Variants in PDZRN3 observed in about 807,000 individuals in gnomAD.
PDZRN3 encodes the protein E3 ubiquitin-protein ligase PDZRN3.
A neutral mutation model predicts 85.7 loss-of-function variants in PDZRN3; 38 were observed. That is an observed-to-expected ratio of 0.44 (90% CI 0.34 to 0.58). PDZRN3 has a LOEUF of 0.58. Among genes scored for constraint, PDZRN3 ranks in the 20% least tolerant of loss-of-function variants. The pLI, the probability that PDZRN3 is intolerant of heterozygous loss-of-function variation, is 0.01. For synonymous variants in PDZRN3, 759 were observed against 638.0 expected, an observed-to-expected ratio of 1.19 and a Z score of -2.86; for missense variants, 1,629 against 1,506.4, an observed-to-expected ratio of 1.08 and a Z score of -1.35.
intron 3 of PDZRN3, among the ~76,000 whole-genome samples, chr3:73,505,476 A>G (rs1452958480): frequency 6.6e-6 from 1 of 152,184 alleles, no homozygotes. Context: ...GCAAAACATC[A>G]ATTGGTTATT....
At chr3:73,407,930 A>G (rs1701886865) in intron 3 of PDZRN3, 2 of 574,168 alleles carry the variant, frequency 3.5e-6, no homozygotes, top group South Asian at 4.4e-5. Context: ...TACAGAGGGA[A>G]GAGCAGTAGC....
chr3:73,457,622 C>T (rs187928798), intron 3 of PDZRN3, among the ~76,000 whole-genome samples: 163 of 152,252 alleles, frequency 1.1e-3, no homozygotes, highest in Non-Finnish European at 2.1e-3. Context: ...CCAGTACTTG[C>T]CACCACAGAG....
intron 6 of PDZRN3, 60 bp downstream of exon 6, chr3:73,390,958 A>G (rs1246807150): frequency 1.0e-6 from 1 of 975,652 alleles, no homozygotes; most frequent in African/African-American, 4.2e-5. Flanking sequence ...GGTGAACATG[A>G]AAAAAAAAAC....
Position 73,385,690 on chromosome 3 carries a change from G to A in PDZRN3, c.1614C>T (p.Phe538=). 6.2e-7 allele frequency: 1 copy of A among 1,610,792 alleles called. No homozygotes were observed. Among genetic ancestry groups the A allele is most frequent in the Non-Finnish European group, 8.5e-7 (1 of 1,177,128 alleles). Residue 538 remains phenylalanine (F), a synonymous_variant, in exon 9 of 10, where the codon TTC becomes TTT. Coordinates refer to ENST00000263666, the MANE Select transcript of PDZRN3 (RefSeq NM_015009.3). The stretch of plus-strand genomic sequence containing the variant: ...TTACCTGCTGCAGCACGCTAGCTGT[G>A]AATTGCATGGCCTGGTGGTGCTGCT... ...LEEQHHQAMQ[F]TASVLQQKKH... is the part of the protein sequence containing the mutation.
intron 3 of PDZRN3, among the ~76,000 whole-genome samples, chr3:73,570,216 A>G (rs1702025685): frequency 6.6e-6 from 1 of 152,188 alleles, no homozygotes; most frequent in Non-Finnish European, 1.5e-5. Context: ...GGTCTCAAAT[A>G]TTTCTCAAAT....
intron 3 of PDZRN3, among the ~76,000 whole-genome samples, chr3:73,472,077 G>A (rs1465929695): frequency 6.6e-6 from 1 of 151,066 alleles, no homozygotes; most frequent in African/African-American, 2.5e-5. Context: ...GAGAAATCTA[G>A]GTGAAAGTTA....
chr3:73,383,393 T>C lies in PDZRN3; in HGVS notation c.3173A>G (p.Asn1058Ser), dbSNP rs771225235. 11 of 1,613,144 alleles carry C rather than the reference T, an allele frequency of 6.8e-6. No homozygotes were observed. The Admixed American group carries it at 1.3e-4, about 20-fold the overall frequency. ...TKSPDGTRVY[N>S]SFLSVTTV Reference sequence around the variant, plus strand: ...TACAGTAGTCACCGATAGGAAGGAATTGTATACTCTAGTGCCGTCCGGGGA... The same window carrying C: ...TACAGTAGTCACCGATAGGAAGGAACTGTATACTCTAGTGCCGTCCGGGGA... The change falls in exon 10 of 10, where the codon AAT becomes AGT. Residue 1058 changes from asparagine (N) to serine (S), a missense_variant. Asn to Ser is a conservative substitution (Grantham distance 46). Transcript: ENST00000263666.
At chr3:73,496,864 T>A (rs1703877621) in intron 3 of PDZRN3, among the ~76,000 whole-genome samples, 1 of 152,212 alleles carries the variant, frequency 6.6e-6, no homozygotes. Context: ...CTAATTATAT[T>A]CAAGGAAGCT....
intron 3 of PDZRN3, among the ~76,000 whole-genome samples, chr3:73,542,714 C>T (rs1394360762): frequency 9.2e-5 from 14 of 151,970 alleles, no homozygotes; most frequent in Admixed American, 7.9e-4. Context: ...GTGGAGGTTG[C>T]AGTGAGCCAA....
At chr3:73,415,798 T>A (rs944754940) in intron 3 of PDZRN3, among the ~76,000 whole-genome samples, 1 of 152,174 alleles carries the variant, frequency 6.6e-6, no homozygotes. Context: ...AAGATGTAAC[T>A]CCATCGTAAG....
intron 3 of PDZRN3, among the ~76,000 whole-genome samples, chr3:73,483,902 T>C (rs976846420): frequency 6.6e-6 from 1 of 152,210 alleles, no homozygotes; most frequent in Admixed American, 6.5e-5. Flanking sequence ...CCATATTCTT[T>C]ACTGGGAAGC....
chr3:73,439,163 G>A (rs540224006), intron 3 of PDZRN3, among the ~76,000 whole-genome samples: 21 of 152,252 alleles, frequency 1.4e-4, no homozygotes, highest in African/African-American at 4.6e-4. Flanking sequence ...CTCAGTCAGC[G>A]GTATATGCCC....
chr3:73,586,001 G>C (rs1195087658), intron 3 of PDZRN3, among the ~76,000 whole-genome samples: 4 of 152,030 alleles, frequency 2.6e-5, no homozygotes, highest in Non-Finnish European at 5.9e-5. Flanking sequence ...CTAAGAAAAA[G>C]GTTTACTTGA....
chr3:73,577,216 AG>A (rs1489626428), intron 3 of PDZRN3, among the ~76,000 whole-genome samples: 2 of 152,316 alleles, frequency 1.3e-5, no homozygotes, highest in Non-Finnish European at 2.9e-5. Flanking sequence ...ATGAATCTAA[AG>A]GAAAGCTTGA....
At chr3:73,545,873 G>A (rs1326259992) in intron 3 of PDZRN3, among the ~76,000 whole-genome samples, 1 of 152,174 alleles carries the variant, frequency 6.6e-6, no homozygotes, top group Non-Finnish European at 1.5e-5. Context: ...CTTATTGCGG[G>A]GAGGAGGGGT....
At chr3:73,597,672 A>G (rs983496404) in intron 3 of PDZRN3, among the ~76,000 whole-genome samples, 3 of 151,948 alleles carry the variant, frequency 2.0e-5, no homozygotes, top group Non-Finnish European at 4.4e-5. Context: ...GATGGCCTCT[A>G]CAAGTCTTTG....
Position 73,608,681 on chromosome 3 carries a change from C to T in PDZRN3, c.727G>A (p.Glu243Lys), listed in dbSNP as rs150437956. 1,550 of 1,603,004 alleles carry T rather than the reference C, an allele frequency of 9.7e-4. 2 individuals carry two copies. Among genetic ancestry groups the T allele is most frequent in the Non-Finnish European group, 1.2e-3 (1,434 of 1,172,186 alleles). The change falls in exon 2 of 10, where the codon GAA becomes AAA. Residue 243 changes from glutamate (E) to lysine (K), a missense_variant. By Grantham distance (56) the Glu-to-Lys change is moderately conservative. Coordinates refer to ENST00000263666, the MANE Select transcript of PDZRN3 (RefSeq NM_015009.3). Reference protein sequence around the residue: ...CVAAPPGGKGEETKSLTLVLH... With the variant: ...CVAAPPGGKGKETKSLTLVLH... ...ACAAGAGTCAGACTTTTGGTTTCTT[C>T]GCCCTGCAGGTAACAAATGAGATCA...
chr3:73,433,706 A>C, intron 3 of PDZRN3: 1 of 1,536,072 alleles, frequency 6.5e-7, no homozygotes, highest in Non-Finnish European at 8.7e-7. Flanking sequence ...ACTGCATCCC[A>C]TGTTTAGAAA....
chr3:73,521,857 A>G (rs542936232), intron 3 of PDZRN3, among the ~76,000 whole-genome samples: 1 of 152,208 alleles, frequency 6.6e-6, no homozygotes, highest in African/African-American at 2.4e-5. Context: ...ATGGGGAAGG[A>G]CGAGTTGTAG....
Sources: allele counts gnomAD v4.1 joint callset (sites outside exome capture counted in the v4.1 genomes callset), GRCh38; gene constraint gnomAD v4.1.1; transcripts MANE v1.5; gene names NCBI Gene and HGNC (gene_info 2026-07-23, HGNC 2026-07-21).